Variants in NUMA1 observed in about 807,000 individuals in gnomAD.
The protein encoded by NUMA1 is SP-H antigen.
Under a neutral mutation model 237.1 loss-of-function variants are expected in NUMA1, and 62 were observed. That is an observed-to-expected ratio of 0.26 (90% CI 0.21 to 0.32). NUMA1 has a LOEUF of 0.32. NUMA1 is among the 10% of genes least tolerant of loss of function. NUMA1 has a pLI of 1.00. For missense variants in NUMA1, 2,533 were observed against 2,666.5 expected, an observed-to-expected ratio of 0.95 and a Z score of 1.10; for synonymous variants, 1,028 against 1,066.1, an observed-to-expected ratio of 0.96 and a Z score of 0.70.
chr11:72,024,459 G>T (rs1171810161), intron 4 of NUMA1, 106 bp from the exon 5 acceptor site: 1 of 988,802 alleles, frequency 1.0e-6, no homozygotes, highest in Non-Finnish European at 1.6e-6. Context: ...ATCTCTGCTG[G>T]ATCTGGAAGA....
At chr11:72,069,578 G>A (rs2136261312) in intron 2 of NUMA1, among the ~76,000 whole-genome samples, 1 of 152,304 alleles carries the variant, frequency 6.6e-6, no homozygotes, top group South Asian at 2.1e-4. Context: ...AATGTTTAGT[G>A]TCTGGCTCAC....
At chr11:72,028,033 T>C (rs894581986) in intron 4 of NUMA1, among the ~76,000 whole-genome samples, 2 of 152,254 alleles carry the variant, frequency 1.3e-5, no homozygotes, top group Admixed American at 1.3e-4. Flanking sequence ...TAGAGCCATA[T>C]GGAATATTAA....
intron 2 of NUMA1, among the ~76,000 whole-genome samples, chr11:72,061,683 G>A (rs1942953049): frequency 1.3e-5 from 2 of 151,666 alleles, no homozygotes; most frequent in Non-Finnish European, 2.9e-5. Context: ...TAGAGACAGG[G>A]CCTTGTCATG....
rs535897791 is a variant in NUMA1 at position 72,007,282 on chromosome 11, C to G, written c.5370G>C (p.Leu1790=). The change falls in exon 21 of 27, where the codon CTG becomes CTC. Residue 1790 remains leucine (L), a synonymous_variant. Transcript: ENST00000393695. ...ARSQAPLESS[L]DSLGDVFLDS... ...CCAGGAAGACGTCTCCCAGGGAGTC[C>G]AGGCTGCTCTCCAGGGGGGCCTGAC... is the stretch of plus-strand genomic sequence containing the variant. The G allele has an allele frequency of 6.2e-7, 1 of 1,613,322 alleles. No homozygotes were observed. Among genetic ancestry groups the G allele is most frequent in the Non-Finnish European group, 8.5e-7 (1 of 1,179,782 alleles).
intron 2 of NUMA1, among the ~76,000 whole-genome samples, chr11:72,043,219 G>C (rs1416027173): frequency 6.6e-6 from 1 of 152,032 alleles, no homozygotes; most frequent in Non-Finnish European, 1.5e-5. Context: ...ATAGTAGCTG[G>C]TGGGGCACGG....
intron 2 of NUMA1, among the ~76,000 whole-genome samples, chr11:72,052,268 G>A (rs1942406086): frequency 6.6e-6 from 1 of 152,098 alleles, no homozygotes; most frequent in Non-Finnish European, 1.5e-5. Context: ...GGAGCGTGAG[G>A]GACTAACTCA....
chr11:72,008,558 T>C, intron 20 of NUMA1, 130 bp downstream of exon 20: 1 of 1,059,672 alleles, frequency 9.4e-7, no homozygotes, highest in Non-Finnish European at 1.4e-6. Context: ...ATATCTGGTA[T>C]AATACCCGTT....
rs1955656790 is a variant in NUMA1, at chr11:72,005,964, T to C, written c.5692+71A>G. 3.9e-6 allele frequency: 5 copies of C among 1,294,308 alleles called. No homozygotes were observed. The Admixed American group carries it at 1.0e-4, about 27-fold the overall frequency. 80.2% of individuals were successfully genotyped at this position (1,294,308 alleles called of 1,614,324 possible). A position where few individuals can be genotyped will look rare whatever the true frequency, so the allele number is the denominator to read the frequency against. ...GCCTTGGATTTTTAAAAAGCTTTCC[T>C]CTTTTCCCTGTGCCACGATCCACCT... On this transcript the variant is annotated intron_variant, in intron 22 of 26. Transcript: ENST00000393695.
At chr11:72,060,939 G>A (rs867912809) in intron 2 of NUMA1, among the ~76,000 whole-genome samples, 8 of 151,730 alleles carry the variant, frequency 5.3e-5, no homozygotes, top group Admixed American at 6.6e-5. Flanking sequence ...CCGTGGTGGC[G>A]TGTGCCTGTA....
At chr11:72,052,932 G>A (rs1469598974) in intron 2 of NUMA1, among the ~76,000 whole-genome samples, 2 of 152,226 alleles carry the variant, frequency 1.3e-5, no homozygotes, top group Non-Finnish European at 1.5e-5. Context: ...ATAAAGTACA[G>A]ACTGGAATGG....
chr11:72,004,115 G>T lies in NUMA1; in HGVS notation c.6124-16C>A, dbSNP rs760822373. The T allele has an allele frequency of 1.2e-6, 2 of 1,612,868 alleles. No homozygotes were observed. Among genetic ancestry groups the T allele is most frequent in the Non-Finnish European group, 1.7e-6 (2 of 1,179,552 alleles). On this transcript the variant is annotated splice_polypyrimidine_tract_variant and intron_variant, in intron 25 of 26. Transcript: ENST00000393695. Reference sequence around the variant, plus strand: ...GCCGGTCAGCCTGCAAGGAAGGGCTGTCAGACCGGGAGACCCAATGCTGCC... The same window carrying T: ...GCCGGTCAGCCTGCAAGGAAGGGCTTTCAGACCGGGAGACCCAATGCTGCC...
rs59248999 is a variant in NUMA1, at chr11:72,056,635, TAAAAAAA to T, written c.-33+13200_-33+13206del. Reference sequence around the variant, plus strand: ...GCGCCTGACCAAGATCCCATCTCTTTAAAAAAAAAAAAAAAAAAAAAAAAAGGCAAGC... The same window carrying T: ...GCGCCTGACCAAGATCCCATCTCTTTAAAAAAAAAAAAAAAAAAGGCAAGC... On this transcript the variant is annotated intron_variant, in intron 2 of 26. Coordinates refer to ENST00000393695, the MANE Select transcript of NUMA1 (RefSeq NM_006185.4). 1.4e-3 allele frequency among the ~76,000 whole-genome samples: 108 copies of T among 75,988 alleles called. No homozygotes were observed. The Middle Eastern group carries it at 0.031, about 22-fold the overall frequency. 49.9% of individuals were successfully genotyped at this position (75,988 alleles called of 152,430 possible). A position where few individuals can be genotyped will look rare whatever the true frequency, so the allele number is the denominator to read the frequency against.
chr11:72,003,967 G>T lies in NUMA1; in HGVS notation c.6256C>A (p.Arg2086Ser). Reference protein sequence around the residue: ...ASPNTRSGTRRSPRIATTTAS... With the variant: ...ASPNTRSGTRSSPRIATTTAS... ...GTGGTGGTGGCAATGCGCGGAGAACGGCGGGTTCCACTGCGAGTGTTGGGG... is the reference window on the plus strand; with the variant it reads ...GTGGTGGTGGCAATGCGCGGAGAACTGCGGGTTCCACTGCGAGTGTTGGGG... Residue 2086 changes from arginine to serine, a missense_variant, in exon 26 of 27, where the codon CGT (arginine) becomes AGT (serine). Around this residue, in one of 3 missense-constraint regions of NUMA1, gnomAD observed 795 missense variants for 750.8 expected, o/e 1.06. Transcript: ENST00000393695. The T allele has an allele frequency of 6.2e-7, 1 of 1,613,302 alleles. No homozygotes were observed. The highest frequency in any genetic ancestry group is 8.5e-7 in the Non-Finnish European group (1 of 1,179,632).
intron 21 of NUMA1, 45 bp downstream of exon 21, chr11:72,007,144 G>A (rs1955777083): frequency 1.9e-6 from 3 of 1,596,168 alleles, no homozygotes; most frequent in Non-Finnish European, 2.5e-6. Context: ...CCCTTGAGAG[G>A]AAGTGGGAAT....
rs142851477 is a variant in NUMA1 at position 72,011,571 on chromosome 11, GCTAA to G, written c.4651-721_4651-718del. Among the ~76,000 whole-genome samples the G allele has an allele frequency of 2.7e-4, 41 of 152,336 alleles. No individual in the cohort carries two copies. In the East Asian group the frequency reaches 5.0e-3, roughly 19 times the overall value. ...ACAGGGGAGAGGCAAGGGCTCCATT[GCTAA>G]CTGTTTGCTATTCACTTTGATTGTC... On this transcript the variant is annotated intron_variant, in intron 16 of 26. Coordinates refer to ENST00000393695, the MANE Select transcript of NUMA1 (RefSeq NM_006185.4).
intron 1 of NUMA1, among the ~76,000 whole-genome samples, chr11:72,071,866 A>T (rs1943465684): frequency 6.6e-6 from 1 of 152,142 alleles, no homozygotes; most frequent in Non-Finnish European, 1.5e-5. Context: ...AGGTTTGAAA[A>T]TTTTCAAAAT....
At chr11:72,010,985 C>A in intron 16 of NUMA1, 131 bp from the exon 17 acceptor site, 1 of 809,680 alleles carries the variant, frequency 1.2e-6, no homozygotes, top group Non-Finnish European at 2.1e-6. Context: ...GGCCCTTTCT[C>A]TGGCCTCCAA....
chr11:72,061,485 C>CTTTTTTTTTTTTT (rs767581846), intron 2 of NUMA1, among the ~76,000 whole-genome samples: 6 of 117,282 alleles, frequency 5.1e-5, no homozygotes, highest in East Asian at 2.4e-4. Context: ...TGTTTCTTTT[C>CTTTTTTTTTTTTT]TTTTTTTTTT....
At chr11:72,011,204 C>A (rs1022437454) in intron 16 of NUMA1, among the ~76,000 whole-genome samples, 16 of 152,330 alleles carry the variant, frequency 1.1e-4, no homozygotes, top group Middle Eastern at 3.4e-3. Flanking sequence ...CACTCTGCAG[C>A]CGCAACCTTC....
Sources: gnomAD v4.1 joint callset for allele counts (sites outside exome capture counted in the v4.1 genomes callset) on GRCh38, gnomAD v4.1.1 for gene constraint, gnomAD v4.1.1 regional missense constraint, MANE v1.5 for transcripts, NCBI Gene and HGNC (gene_info 2026-07-23, HGNC 2026-07-21) for gene names.